EFCAB6: variants seen among roughly 807,000 people sequenced by gnomAD.
EFCAB6 encodes the protein EF-hand calcium-binding domain-containing protein 6.
EFCAB6 carries 156 observed loss-of-function variants against 169.8 expected under a neutral mutation model. That is an observed-to-expected ratio of 0.92 (90% CI 0.81 to 1.05). The LOEUF (loss-of-function observed/expected upper bound fraction) is 1.05. EFCAB6 is among the 50% of genes least tolerant of loss of function. The pLI is 0.00. For synonymous variants in EFCAB6, 698 were observed against 676.4 expected (o/e 1.03, Z -0.50); for missense variants, 1,800 against 1,829.1 (o/e 0.98, Z 0.29).
At position 43,602,876 on chromosome 22, in the gene EFCAB6, T is replaced by C. The variant is rs141970402; in HGVS notation, c.2682-2613A>G. ...AGGAGTGCATGTTGGCATTTGCTAC[T>C]GCTCTATGCCACCCAAAGTTTTTCC... is the stretch of plus-strand genomic sequence containing the variant. On this transcript the variant is annotated intron_variant, in intron 22 of 31. Coordinates refer to ENST00000262726, the MANE Select transcript of EFCAB6 (RefSeq NM_022785.4). Among the ~76,000 whole-genome samples, 59 of 152,222 alleles carry C rather than the reference T, an allele frequency of 3.9e-4. No homozygotes were observed. In the East Asian group the frequency reaches 9.8e-3, roughly 25 times the overall value.
chr22:43,710,321 T>C (rs2059115808), intron 10 of EFCAB6, among the ~76,000 whole-genome samples: 1 of 152,208 alleles, frequency 6.6e-6, no homozygotes, highest in Admixed American at 6.5e-5. Flanking sequence ...AACAGGATGT[T>C]GGAGCCAACG....
chr22:43,754,910 C>T (rs2147856350), intron 6 of EFCAB6, among the ~76,000 whole-genome samples: 1 of 152,148 alleles, frequency 6.6e-6, no homozygotes, highest in East Asian at 1.9e-4. Flanking sequence ...GACAATTATA[C>T]CTGGGTTCTG....
At chr22:43,598,335 A>AAAAG (rs2052214808) in intron 23 of EFCAB6, among the ~76,000 whole-genome samples, 1 of 150,520 alleles carries the variant, frequency 6.6e-6, no homozygotes, top group South Asian at 2.1e-4. Context: ...AAAAAAAAAA[A>AAAAG]AAAGGTTGAT....
intron 10 of EFCAB6, among the ~76,000 whole-genome samples, chr22:43,702,164 T>C (rs868777111): frequency 6.6e-6 from 1 of 152,202 alleles, no homozygotes; most frequent in Non-Finnish European, 1.5e-5. Flanking sequence ...TAATATTCAA[T>C]GCTGGGAAGA....
Position 43,672,147 on chromosome 22 carries a change from A to G in EFCAB6, c.1480-14T>C. 2 of 1,612,918 alleles carry G rather than the reference A, an allele frequency of 1.2e-6. No homozygotes were observed. The highest frequency in any genetic ancestry group is 1.7e-6 in the Non-Finnish European group (2 of 1,179,614). On this transcript the variant is annotated splice_polypyrimidine_tract_variant and intron_variant, in intron 14 of 31. Transcript: ENST00000262726. ...AATTTCTTCCACCTAACATTAAAAA[A>G]CAAACATATTTCCTAAGCCATACAT...
intron 10 of EFCAB6, among the ~76,000 whole-genome samples, chr22:43,702,313 G>T (rs528538255): frequency 5.7e-4 from 86 of 152,210 alleles, no homozygotes; most frequent in Non-Finnish European, 1.1e-3. Context: ...TCGGTCGCAG[G>T]CTCCACTACT....
chr22:43,732,430 C>T (rs945845899), intron 7 of EFCAB6, among the ~76,000 whole-genome samples: 3 of 150,284 alleles, frequency 2.0e-5, no homozygotes, highest in African/African-American at 7.4e-5. Flanking sequence ...TTTAAAACAG[C>T]GAACCACTGT....
At chr22:43,552,062 A>C (rs1030729305) in intron 27 of EFCAB6, 1 of 151,602 alleles carries the variant, frequency 6.6e-6, no homozygotes, top group Non-Finnish European at 1.5e-5. Context: ...TGAAACCCTG[A>C]CCTCGTGATC....
At chr22:43,576,030 G>GAAT (rs1478402756) in intron 26 of EFCAB6, among the ~76,000 whole-genome samples, 1 of 152,110 alleles carries the variant, frequency 6.6e-6, no homozygotes, top group East Asian at 1.9e-4. Context: ...AGACTCCTTA[G>GAAT]AATGCTAAAT....
chr22:43,725,298 C>A (rs2059689801), intron 8 of EFCAB6, among the ~76,000 whole-genome samples: 1 of 152,134 alleles, frequency 6.6e-6, no homozygotes, highest in Non-Finnish European at 1.5e-5. Flanking sequence ...TGCGCCACCA[C>A]GCCCAGCTAA....
chr22:43,775,159 G>A (rs192575754), intron 3 of EFCAB6, among the ~76,000 whole-genome samples: 209 of 152,226 alleles, frequency 1.4e-3, no homozygotes, highest in Non-Finnish European at 2.4e-3. Context: ...GGGATGGAGA[G>A]AGGATGGAAC....
chr22:43,688,053 C>G (rs772937277), intron 10 of EFCAB6, among the ~76,000 whole-genome samples: 1 of 152,164 alleles, frequency 6.6e-6, no homozygotes, highest in African/African-American at 2.4e-5. Context: ...TCCAAGTGGG[C>G]CCACTCTAAT....
At chr22:43,649,737 ACCTGTTT>A (rs1428831653) in intron 17 of EFCAB6, among the ~76,000 whole-genome samples, 1 of 152,152 alleles carries the variant, frequency 6.6e-6, no homozygotes. Flanking sequence ...GCATCAAAAC[ACCTGTTT>A]GAAGCATAAG....
intron 30 of EFCAB6, chr22:43,533,644 A>G (rs915927176): frequency 2.7e-4 from 41 of 152,360 alleles, no homozygotes; most frequent in Admixed American, 2.5e-3. Context: ...CTTGCCTCCC[A>G]GGTGCGAGCC....
At chr22:43,761,043 C>T (rs1223647275) in intron 5 of EFCAB6, among the ~76,000 whole-genome samples, 2 of 152,214 alleles carry the variant, frequency 1.3e-5, no homozygotes, top group African/African-American at 4.8e-5. Flanking sequence ...ACACAGGTCA[C>T]AGGAGCCTGG....
chr22:43,736,255 T>C (rs995605311), intron 6 of EFCAB6, among the ~76,000 whole-genome samples: 1 of 152,212 alleles, frequency 6.6e-6, no homozygotes, highest in Non-Finnish European at 1.5e-5. Context: ...GTAAGTCTCA[T>C]ACACAATTCA....
chr22:43,799,444 T>TAGTGA (rs1317219791), intron 2 of EFCAB6, among the ~76,000 whole-genome samples: 1 of 152,090 alleles, frequency 6.6e-6, no homozygotes, highest in African/African-American at 2.4e-5. Context: ...TGTTAAAAAC[T>TAGTGA]AGTGAAATGT....
chr22:43,615,967 G>A (rs1022175016), intron 20 of EFCAB6, 45 bp from the exon 21 acceptor site: 5 of 1,500,412 alleles, frequency 3.3e-6, no homozygotes, highest in Non-Finnish European at 4.5e-6. Flanking sequence ...AAATTTAATG[G>A]GCTCATTAAT....
At chr22:43,803,906 T>A (rs2062821140) in intron 2 of EFCAB6, among the ~76,000 whole-genome samples, 1 of 152,142 alleles carries the variant, frequency 6.6e-6, no homozygotes, top group African/African-American at 2.4e-5. Context: ...AGAGATGGGG[T>A]CTTGCTGTAT....
Sources: allele counts gnomAD v4.1 joint callset (sites outside exome capture counted in the v4.1 genomes callset), GRCh38; gene constraint gnomAD v4.1.1; transcripts MANE v1.5; gene names NCBI Gene and HGNC (gene_info 2026-07-23, HGNC 2026-07-21).